The following SPIDR variants were observed in gnomAD, a reference collection of about 807,000 sequenced individuals.
The protein encoded by SPIDR is scaffold protein involved in DNA repair, also known as DNA repair-scaffolding protein.
A neutral mutation model predicts 104.6 loss-of-function variants in SPIDR; 93 were observed. That is an observed-to-expected ratio of 0.89 (90% CI 0.75 to 1.06). The LOEUF (loss-of-function observed/expected upper bound fraction) is 1.06, where lower values mean the gene tolerates loss of function less well. Ranked by LOEUF, SPIDR falls within the 50% of genes least tolerant of loss-of-function variation. The pLI is 0.00. For synonymous variants in SPIDR, 431 were observed against 416.9 expected, an observed-to-expected ratio of 1.03 and a Z score of -0.41; for missense variants, 1,154 against 1,111.2, an observed-to-expected ratio of 1.04 and a Z score of -0.55.
intron 3 of SPIDR, among the ~76,000 whole-genome samples, chr8:47,287,226 G>A (rs942866458): frequency 6.6e-6 from 1 of 152,092 alleles, no homozygotes; most frequent in African/African-American, 2.4e-5. Flanking sequence ...ATGCTTCTGA[G>A]GCCAATAAAG....
chr8:47,360,843 T>G (rs2055725524), intron 5 of SPIDR: 2 of 985,416 alleles, frequency 2.0e-6, no homozygotes, highest in South Asian at 4.7e-5. Context: ...TCTGGTGGTG[T>G]TTTCAGCCTT....
At chr8:47,469,558 C>T (rs995628803) in intron 8 of SPIDR, among the ~76,000 whole-genome samples, 1 of 151,712 alleles carries the variant, frequency 6.6e-6, no homozygotes, top group African/African-American at 2.4e-5. Context: ...AAAATGAGGT[C>T]GTGATTTTAC....
At chr8:47,427,427 T>G (rs1296592401) in intron 7 of SPIDR, among the ~76,000 whole-genome samples, 2 of 152,104 alleles carry the variant, frequency 1.3e-5, no homozygotes, top group Non-Finnish European at 2.9e-5. Context: ...ATTTTACTTA[T>G]GAAGTACTAA....
chr8:47,710,895 T>A (rs2081784974), intron 14 of SPIDR, among the ~76,000 whole-genome samples: 1 of 152,026 alleles, frequency 6.6e-6, no homozygotes, highest in South Asian at 2.1e-4. Context: ...TTCTCCTACC[T>A]CAGCCTCCCA....
intron 10 of SPIDR, among the ~76,000 whole-genome samples, chr8:47,669,305 G>A (rs376647987): frequency 7.4e-4 from 113 of 152,332 alleles, no homozygotes; most frequent in African/African-American, 2.6e-3. Flanking sequence ...TTGACAAGTG[G>A]GTGGAATTCA....
At chr8:47,291,482 A>T (rs1033966208) in intron 4 of SPIDR, among the ~76,000 whole-genome samples, 2 of 152,224 alleles carry the variant, frequency 1.3e-5, no homozygotes, top group Non-Finnish European at 2.9e-5. Flanking sequence ...CATATAGCCC[A>T]GCAACTGCAC....
chr8:47,673,304 C>CT (rs1563499622), intron 10 of SPIDR: 2 of 412,742 alleles, frequency 4.8e-6, no homozygotes, highest in Non-Finnish European at 9.8e-6. Flanking sequence ...ATATGCGTGT[C>CT]TAAACGTGTA....
intron 2 of SPIDR, among the ~76,000 whole-genome samples, chr8:47,283,743 T>C (rs952581551): frequency 3.5e-4 from 54 of 152,334 alleles, no homozygotes; most frequent in African/African-American, 1.2e-3. Context: ...TGAGTAGTAA[T>C]GAGTACCTCA....
At chr8:47,644,370 G>A (rs991918747) in intron 10 of SPIDR, among the ~76,000 whole-genome samples, 1 of 152,176 alleles carries the variant, frequency 6.6e-6, no homozygotes, top group Non-Finnish European at 1.5e-5. Context: ...CCACTATCAC[G>A]CAAGTTGTTT....
chr8:47,518,275 T>C (rs2083459790), intron 8 of SPIDR, among the ~76,000 whole-genome samples: 1 of 152,228 alleles, frequency 6.6e-6, no homozygotes, highest in South Asian at 2.1e-4. Flanking sequence ...TATTATTATA[T>C]TCAGGAACTT....
chr8:47,336,212 T>G (rs1282045668), intron 5 of SPIDR, among the ~76,000 whole-genome samples: 1 of 152,230 alleles, frequency 6.6e-6, no homozygotes, highest in African/African-American at 2.4e-5. Context: ...TAAAAATCTG[T>G]TCACCACTTG....
chr8:47,536,275 T>C (rs2086898746), intron 8 of SPIDR, among the ~76,000 whole-genome samples: 1 of 152,158 alleles, frequency 6.6e-6, no homozygotes, highest in African/African-American at 2.4e-5. Flanking sequence ...AGTTATTTCA[T>C]GGTTATCAAC....
intron 5 of SPIDR, among the ~76,000 whole-genome samples, chr8:47,360,244 CAAAAAAAAAAAAAAA>C (rs1186187617): frequency 5.1e-5 from 2 of 38,962 alleles, no homozygotes; most frequent in African/African-American, 1.3e-4. Flanking sequence ...GACTCCATCT[CAAAAAAAAAAAAAAA>C]AAAAAAAAAA....
At chr8:47,406,986 G>A (rs983215388) in intron 6 of SPIDR, among the ~76,000 whole-genome samples, 7 of 152,204 alleles carry the variant, frequency 4.6e-5, no homozygotes, top group African/African-American at 1.2e-4. Context: ...ATTGATACCC[G>A]ATATAGCATG....
At chr8:47,280,240 A>C (rs370959336) in intron 2 of SPIDR, among the ~76,000 whole-genome samples, 1 of 144,354 alleles carries the variant, frequency 6.9e-6, no homozygotes, top group South Asian at 2.2e-4. Flanking sequence ...TTTTTATTTT[A>C]TTTATTTATT....
At chr8:47,673,652 TC>T (rs529598052) in intron 10 of SPIDR, 148 bp from the exon 11 acceptor site, 54 of 1,029,362 alleles carry the variant, frequency 5.2e-5, no homozygotes, top group African/African-American at 4.0e-4. Flanking sequence ...CTTTTTTTTT[TC>T]CCCCCTTGGT....
chr8:47,324,489 C>T (rs1340169073), intron 5 of SPIDR, among the ~76,000 whole-genome samples: 2 of 152,164 alleles, frequency 1.3e-5, no homozygotes, highest in East Asian at 3.8e-4. Flanking sequence ...ATTATCTGTG[C>T]TGTGAAGTGA....
chr8:47,425,212 G>A (rs1008183681), intron 7 of SPIDR, among the ~76,000 whole-genome samples: 1 of 152,030 alleles, frequency 6.6e-6, no homozygotes, highest in Non-Finnish European at 1.5e-5. Context: ...GGTGGAGATG[G>A]GATAGTGGGA....
At chr8:47,518,886 T>C (rs774544827) in intron 8 of SPIDR, among the ~76,000 whole-genome samples, 7 of 152,216 alleles carry the variant, frequency 4.6e-5, no homozygotes, top group Middle Eastern at 3.4e-3. Flanking sequence ...CCGCCCGCCT[T>C]GGCCTCCCAA....
Sources: gnomAD v4.1 joint callset for allele counts (sites outside exome capture counted in the v4.1 genomes callset) on GRCh38, gnomAD v4.1.1 for gene constraint, MANE v1.5 for transcripts, NCBI Gene and HGNC (gene_info 2026-07-23, HGNC 2026-07-21) for gene names.